Variants in FOXP1 observed in about 807,000 individuals in gnomAD.
The protein encoded by FOXP1 is forkhead box P1, also known as forkhead box protein P1.
FOXP1 carries 15 observed loss-of-function variants against 98.2 expected under a neutral mutation model. The observed-to-expected ratio is 0.15, with a 90% CI of 0.10 to 0.24. The LOEUF is 0.24. FOXP1 is among the 10% of genes least tolerant of loss of function. The probability of loss-of-function intolerance (pLI) is 1.00; values close to 1 mark genes in which losing one functional copy is unlikely to be tolerated. For missense variants in FOXP1, 633 were observed against 848.5 expected (o/e 0.75, Z 3.15); for synonymous variants, 371 against 314.5 (o/e 1.18, Z -1.90).
At chr3:71,550,921 G>A (rs1370588291) in intron 2 of FOXP1, among the ~76,000 whole-genome samples, 2 of 152,300 alleles carry the variant, frequency 1.3e-5, no homozygotes, top group Admixed American at 6.5e-5. Flanking sequence ...CCTCAGACAC[G>A]ATGAAGCCGC....
chr3:71,071,605 G>A (rs750383468), intron 7 of FOXP1, among the ~76,000 whole-genome samples: 4 of 152,006 alleles, frequency 2.6e-5, no homozygotes, highest in Non-Finnish European at 4.4e-5. Flanking sequence ...ATGGAGTCTC[G>A]CTCTTGTCAC....
intron 4 of FOXP1, chr3:71,305,628 A>G (rs1650059736): frequency 6.6e-6 from 1 of 152,228 alleles, no homozygotes; most frequent in East Asian, 1.9e-4. Flanking sequence ...ACAAAGAATA[A>G]TAAAGCTGCT....
chr3:71,574,370 A>G (rs2047566631), intron 2 of FOXP1: 1 of 152,228 alleles, frequency 6.6e-6, no homozygotes. Flanking sequence ...AAATGTCTCA[A>G]CAACTTTTAT....
At chr3:71,446,509 AGG>A (rs758083354) in intron 3 of FOXP1, among the ~76,000 whole-genome samples, 3 of 151,942 alleles carry the variant, frequency 2.0e-5, no homozygotes, top group Non-Finnish European at 2.9e-5. Context: ...AGCTAGAGAT[AGG>A]GCTGAGGTGC....
chr3:71,381,668 T>C (rs1295009191), intron 3 of FOXP1, among the ~76,000 whole-genome samples: 1 of 152,044 alleles, frequency 6.6e-6, no homozygotes, highest in Non-Finnish European at 1.5e-5. Context: ...GGTCTCAAAC[T>C]CCTGGGCTCA....
At chr3:71,371,769 G>A (rs1397956374) in intron 3 of FOXP1, among the ~76,000 whole-genome samples, 3 of 152,094 alleles carry the variant, frequency 2.0e-5, no homozygotes, top group African/African-American at 7.2e-5. Flanking sequence ...AGCCTAGATG[G>A]CAGAGAACAA....
At chr3:71,509,778 G>A (rs570307373) in intron 2 of FOXP1, among the ~76,000 whole-genome samples, 1 of 152,316 alleles carries the variant, frequency 6.6e-6, no homozygotes, top group East Asian at 1.9e-4. Flanking sequence ...CTACTCAGGA[G>A]GTTGAGGCAA....
intron 3 of FOXP1, among the ~76,000 whole-genome samples, chr3:71,480,908 C>A (rs1398489526): frequency 6.6e-6 from 1 of 152,110 alleles, no homozygotes; most frequent in Non-Finnish European, 1.5e-5. Flanking sequence ...TGTTCAAATG[C>A]AGTGTGGATG....
intron 3 of FOXP1, among the ~76,000 whole-genome samples, chr3:71,481,945 C>G (rs1313795451): frequency 6.6e-6 from 1 of 152,172 alleles, no homozygotes; most frequent in East Asian, 1.9e-4. Context: ...CATGTTTCCC[C>G]TGCCCTGACT....
At chr3:71,403,409 G>A (rs1042434843) in intron 3 of FOXP1, among the ~76,000 whole-genome samples, 1 of 152,248 alleles carries the variant, frequency 6.6e-6, no homozygotes, top group African/African-American at 2.4e-5. Flanking sequence ...AAGAAAAAAG[G>A]CAACAGAAAA....
intron 4 of FOXP1, among the ~76,000 whole-genome samples, chr3:71,331,456 C>G (rs1013301946): frequency 4.1e-5 from 6 of 145,758 alleles, no homozygotes; most frequent in African/African-American, 1.5e-4. Context: ...CCAGTCCCAT[C>G]GACCGCCCAA....
intron 3 of FOXP1, among the ~76,000 whole-genome samples, chr3:71,426,071 C>G (rs1403489383): frequency 1.3e-5 from 2 of 152,186 alleles, no homozygotes; most frequent in African/African-American, 4.8e-5. Context: ...CATGCCAGCT[C>G]TGATCCTATG....
chr3:70,964,080 A>G (rs916516166), intron 20 of FOXP1, among the ~76,000 whole-genome samples: 1 of 152,240 alleles, frequency 6.6e-6, no homozygotes, highest in Admixed American at 6.5e-5. Flanking sequence ...ATGAGGTCAA[A>G]AAGAGTAACA....
Position 71,412,551 on chromosome 3 carries a change from G to T in FOXP1, c.-167-53307C>A, listed in dbSNP as rs145894560. Among the ~76,000 whole-genome samples the T allele has an allele frequency of 7.4e-3, 1,129 of 152,224 alleles. 18 individuals are homozygous for T. The highest frequency in any genetic ancestry group is 0.025 in the African/African-American group (1,059 of 41,538). ...AAAATCACAAATGGGGCATAAGAAC[G>T]CCCAACTACCCTTTGAAGAAAATGT... On this transcript the variant is annotated intron_variant, in intron 3 of 20. Transcript: ENST00000649528.
chr3:71,430,644 T>G (rs1390455617), intron 3 of FOXP1, among the ~76,000 whole-genome samples: 13 of 152,220 alleles, frequency 8.5e-5, no homozygotes, highest in African/African-American at 3.1e-4. Context: ...AATTTTAAAT[T>G]TTCAATCTCA....
chr3:71,140,579 T>C (rs1451651764), intron 6 of FOXP1, among the ~76,000 whole-genome samples: 5 of 152,246 alleles, frequency 3.3e-5, no homozygotes, highest in Non-Finnish European at 7.3e-5. Flanking sequence ...TCTCACTTTA[T>C]GTCAGGCATT....
At chr3:71,051,674 A>C (rs1193295493) in intron 9 of FOXP1, among the ~76,000 whole-genome samples, 1 of 152,218 alleles carries the variant, frequency 6.6e-6, no homozygotes, top group Non-Finnish European at 1.5e-5. Context: ...TCCACTGTAA[A>C]AATATGAGGA....
chr3:71,014,360 A>C (rs888169466), intron 12 of FOXP1, among the ~76,000 whole-genome samples: 1 of 152,194 alleles, frequency 6.6e-6, no homozygotes, highest in African/African-American at 2.4e-5. Flanking sequence ...TCAAAAGAAG[A>C]CATTTATGCA....
rs969198364 is a variant in FOXP1, at chr3:71,299,853, T to C, written c.-45A>G. The C allele has an allele frequency of 3.3e-5, 5 of 152,796 alleles. No homozygotes were observed. The East Asian group carries it at 5.8e-4, about 18-fold the overall frequency. 9.5% of individuals were successfully genotyped at this position (152,796 alleles called of 1,614,324 possible). On this transcript the variant is annotated 5_prime_UTR_variant, in exon 5 of 21. Transcript: ENST00000649528. ...GCTTCTGTAAAGCAATCTTCAGTTATAGTCACCTCAAAAGGTCACGTCTTA... is the reference window on the plus strand; with the variant it reads ...GCTTCTGTAAAGCAATCTTCAGTTACAGTCACCTCAAAAGGTCACGTCTTA...
Sources: allele counts gnomAD v4.1 joint callset (sites outside exome capture counted in the v4.1 genomes callset), GRCh38; gene constraint gnomAD v4.1.1; transcripts MANE v1.5; gene names NCBI Gene and HGNC (gene_info 2026-07-23, HGNC 2026-07-21).